The following WDR41 variants were observed in gnomAD, a reference collection of about 807,000 sequenced individuals.
The protein encoded by WDR41 is WD repeat-containing protein 41.
Under a neutral mutation model 69.3 loss-of-function variants are expected in WDR41, and 63 were observed. That is an observed-to-expected ratio of 0.91 (90% CI 0.74 to 1.12). The LOEUF (loss-of-function observed/expected upper bound fraction) is 1.12. WDR41 is among the 50% of genes most tolerant of loss of function. The pLI, the probability that WDR41 is intolerant of heterozygous loss-of-function variation, is 0.00. For missense variants in WDR41, 543 were observed against 534.5 expected, an observed-to-expected ratio of 1.02 and a Z score of -0.16; for synonymous variants, 185 against 192.1, an observed-to-expected ratio of 0.96 and a Z score of 0.31.
chr5:77,483,327 CAT>C (rs776856045), intron 2 of WDR41, among the ~76,000 whole-genome samples: 46 of 151,884 alleles, frequency 3.0e-4, no homozygotes, highest in Admixed American at 5.9e-4. Context: ...TTAATAGAGA[CAT>C]GGTTTTGCCA....
chr5:77,503,229 G>C (rs1198715989), intron 1 of WDR41, among the ~76,000 whole-genome samples: 2 of 144,608 alleles, frequency 1.4e-5, no homozygotes, highest in Admixed American at 7.0e-5. Context: ...TGCCATCCTA[G>C]TCTCTGATAA....
At chr5:77,450,525 C>A (rs1314038574) in intron 7 of WDR41, among the ~76,000 whole-genome samples, 1 of 151,992 alleles carries the variant, frequency 6.6e-6, no homozygotes, top group Non-Finnish European at 1.5e-5. Context: ...TACAGAAAAC[C>A]CATAATAAAA....
rs71606301 is a variant in WDR41 at position 77,512,745 on chromosome 5, C to CAAAAAAAAAAA, written c.43-23184_43-23174dup. On this transcript the variant is annotated intron_variant, in intron 1 of 5. Transcript: ENST00000509971. Reference sequence around the variant, plus strand: ...TGGCGAGAGAGCGAAGACTCCATCTCAAAAAAAAAAAAAAAAAAAAATTGG... The same window carrying CAAAAAAAAAAA: ...TGGCGAGAGAGCGAAGACTCCATCTCAAAAAAAAAAAAAAAAAAAAAAAAAAAAAAAATTGG... Among the ~76,000 whole-genome samples the CAAAAAAAAAAA allele has an allele frequency of 3.8e-4, 28 of 74,078 alleles. 1 individual carries two copies. Among genetic ancestry groups the CAAAAAAAAAAA allele is most frequent in the Middle Eastern group, 7.2e-3 (1 of 138 alleles). 48.6% of individuals were successfully genotyped at this position (74,078 alleles called of 152,430 possible).
intron 5 of WDR41, among the ~76,000 whole-genome samples, chr5:77,456,555 T>C (rs1220081136): frequency 1.3e-5 from 2 of 152,330 alleles, no homozygotes; most frequent in East Asian, 1.9e-4. Flanking sequence ...CTTTCCAATA[T>C]GGATGTCATT....
intron 10 of WDR41, 66 bp from the exon 11 acceptor site, chr5:77,437,490 G>A (rs1798989616): frequency 7.1e-7 from 1 of 1,405,440 alleles, no homozygotes. Flanking sequence ...TAAATTTGCA[G>A]TGAAAGAAAT....
At chr5:77,569,298 G>A (rs993952135) in intron 1 of WDR41, among the ~76,000 whole-genome samples, 4 of 152,018 alleles carry the variant, frequency 2.6e-5, no homozygotes, top group African/African-American at 9.7e-5. Flanking sequence ...ATTATACAAT[G>A]CCTTTCTATA....
chr5:77,492,066 C>T, intron 1 of WDR41, 104 bp downstream of exon 1: 1 of 1,429,984 alleles, frequency 7.0e-7, no homozygotes, highest in Non-Finnish European at 9.6e-7. Context: ...CCAGCCCCGC[C>T]TCCGCCCGGG....
chr5:77,494,113 T>C (rs952705940), upstream of WDR41, among the ~76,000 whole-genome samples: 2 of 152,170 alleles, frequency 1.3e-5, no homozygotes, highest in Admixed American at 1.3e-4. Flanking sequence ...GAGATTGTTA[T>C]AACGTTAGGA....
In WDR41 at chr5:77,451,336, C is replaced by T; in HGVS notation, c.541G>A (p.Glu181Lys). ...GCCACAACACAGTTCTTAGGTATTT[C>T]AACCAAAGCACTAATACCTCCAAAA... ...LSDTGISALVEIPKNCVVAAV... is the reference protein window; with the variant it reads ...LSDTGISALVKIPKNCVVAAV... Residue 181 changes from glutamate (E) to lysine (K), a missense_variant, in exon 7 of 13, where the codon GAA (glutamate) becomes AAA (lysine). Glu to Lys is a moderately conservative substitution (Grantham distance 56). Transcript: ENST00000296679. The T allele has an allele frequency of 6.2e-7, 1 of 1,613,592 alleles. No homozygotes were observed. The highest frequency in any genetic ancestry group is 8.5e-7 in the Non-Finnish European group (1 of 1,179,678).
At chr5:77,488,717 T>A (rs1199652212) in intron 2 of WDR41, among the ~76,000 whole-genome samples, 1 of 152,180 alleles carries the variant, frequency 6.6e-6, no homozygotes, top group Non-Finnish European at 1.5e-5. Flanking sequence ...ATCTGCTACA[T>A]GTAAGGCACT....
intron 2 of WDR41, among the ~76,000 whole-genome samples, chr5:77,478,152 A>G (rs1465510075): frequency 3.3e-5 from 5 of 152,212 alleles, no homozygotes; most frequent in Admixed American, 3.3e-4. Flanking sequence ...GAATAGACCA[A>G]TAACAGGATC....
At chr5:77,458,979 G>A in intron 5 of WDR41, 83 bp downstream of exon 5, 6 of 992,928 alleles carry the variant, frequency 6.0e-6, no homozygotes, top group Non-Finnish European at 9.2e-6. Flanking sequence ...ACCCACAAAA[G>A]TAATTTCGTC....
chr5:77,612,982 C>T (rs1301325860), intron 1 of WDR41, among the ~76,000 whole-genome samples: 1 of 150,954 alleles, frequency 6.6e-6, no homozygotes, highest in African/African-American at 2.4e-5. Flanking sequence ...AAATCACAAG[C>T]ATTCTTATAC....
In WDR41 at chr5:77,431,392, G is replaced by T. The variant is rs188764865; in HGVS notation, c.*1743C>A. ...TTTTTAGCAATAAAGTATTCTTAAG[G>T]TATGTACATTTTTTAGAAATTTAAG... On this transcript the variant is annotated 3_prime_UTR_variant, in exon 13 of 13. Transcript: ENST00000296679. 2.6e-5 allele frequency: 4 copies of T among 152,150 alleles called. No individual in the cohort carries two copies. The highest frequency in any genetic ancestry group is 5.9e-5 in the Non-Finnish European group (4 of 68,034). The allele number at this position is 152,150 out of a possible 1,614,324, so 9.4% of individuals were successfully genotyped here.
At chr5:77,611,573 A>G (rs1430521943) in intron 1 of WDR41, among the ~76,000 whole-genome samples, 31 of 152,388 alleles carry the variant, frequency 2.0e-4, no homozygotes, top group Non-Finnish European at 3.7e-4. Context: ...ACATAACGAA[A>G]TGAAGGCAGA....
chr5:77,488,954 A>C (rs1286078452), intron 2 of WDR41, among the ~76,000 whole-genome samples: 1 of 152,226 alleles, frequency 6.6e-6, no homozygotes, highest in Non-Finnish European at 1.5e-5. Context: ...CTCTATTTGC[A>C]AATATATTAA....
rs1397141506 is a variant in WDR41, at chr5:77,551,443, T to C, written c.43-61871A>G. Reference sequence around the variant, plus strand: ...CTGTAATCCCAGCACTTTGGGAGGCTGAGGCAGGAAGATCACCTGAGGTCA... The same window carrying C: ...CTGTAATCCCAGCACTTTGGGAGGCCGAGGCAGGAAGATCACCTGAGGTCA... On this transcript the variant is annotated intron_variant, in intron 1 of 5. Transcript: ENST00000509971. 2.6e-5 allele frequency among the ~76,000 whole-genome samples: 4 copies of C among 152,106 alleles called. No homozygotes were observed. In the East Asian group the frequency reaches 5.8e-4, roughly 22 times the overall value.
At chr5:77,469,215 G>A (rs1303448985) in intron 2 of WDR41, among the ~76,000 whole-genome samples, 2 of 152,066 alleles carry the variant, frequency 1.3e-5, no homozygotes, top group African/African-American at 4.8e-5. Context: ...ACACAGGAAG[G>A]GGAACATCAC....
intron 1 of WDR41, among the ~76,000 whole-genome samples, chr5:77,567,750 A>C (rs1743660392): frequency 6.6e-6 from 1 of 151,850 alleles, no homozygotes. Context: ...ACATTCCCCA[A>C]ATCTTTCTCT....
Sources: gnomAD v4.1 joint callset for allele counts (sites outside exome capture counted in the v4.1 genomes callset) on GRCh38, gnomAD v4.1.1 for gene constraint, MANE v1.5 for transcripts, NCBI Gene and HGNC (gene_info 2026-07-23, HGNC 2026-07-21) for gene names.